PHLPP1: variants seen among roughly 807,000 people sequenced by gnomAD.
PHLPP1 encodes the protein PH domain leucine-rich repeat-containing protein phosphatase 1.
PHLPP1 carries 42 observed loss-of-function variants against 117.2 expected under a neutral mutation model. That is an observed-to-expected ratio of 0.36 (90% confidence interval 0.28 to 0.46). The LOEUF is 0.46. PHLPP1 is among the 20% of genes least tolerant of loss of function. The pLI is 1.00. For missense variants in PHLPP1, 2,084 were observed against 2,241.9 expected (o/e 0.93, Z 1.42); for synonymous variants, 1,042 against 970.7 (o/e 1.07, Z -1.37).
At chr18:62,826,475 G>A (rs1914616104) in intron 1 of PHLPP1, among the ~76,000 whole-genome samples, 1 of 152,030 alleles carries the variant, frequency 6.6e-6, no homozygotes, top group Non-Finnish European at 1.5e-5. Flanking sequence ...CGTGGTCCTT[G>A]GACTACATTT....
Position 62,746,759 on chromosome 18 carries a change from T to C in PHLPP1, c.1576+29500T>C, listed in dbSNP as rs147194754. The stretch of plus-strand genomic sequence containing the variant: ...GCGCGTGTGTTGTGAGATTTATTCC[T>C]ATATATTGTATGTGGGTTTTTTTTT... On this transcript the variant is annotated intron_variant, in intron 1 of 16. Coordinates refer to ENST00000262719, the MANE Select transcript of PHLPP1 (RefSeq NM_194449.4). Among the ~76,000 whole-genome samples the C allele has an allele frequency of 1.8e-3, 267 of 152,132 alleles. 3 individuals are homozygous for C. In the East Asian group the frequency reaches 0.025, roughly 14 times the overall value.
chr18:62,862,668 T>C (rs1227200845), intron 4 of PHLPP1, among the ~76,000 whole-genome samples: 1 of 152,172 alleles, frequency 6.6e-6, no homozygotes, highest in African/African-American at 2.4e-5. Flanking sequence ...GCTCACATAA[T>C]CAGATAAGTG....
At chr18:62,808,455 C>A (rs182790199) in intron 1 of PHLPP1, among the ~76,000 whole-genome samples, 3 of 152,070 alleles carry the variant, frequency 2.0e-5, no homozygotes, top group Admixed American at 2.0e-4. Context: ...AAATTTATCA[C>A]GCTAATTATA....
Position 62,868,366 on chromosome 18 carries a change from G to T in PHLPP1, c.2066+7765G>T, listed in dbSNP as rs557298387. 3.6e-4 allele frequency among the ~76,000 whole-genome samples: 54 copies of T among 152,092 alleles called. 1 individual carries two copies. The South Asian group carries it at 0.011, about 31-fold the overall frequency. On this transcript the variant is annotated intron_variant, in intron 4 of 16. Coordinates refer to ENST00000262719, the MANE Select transcript of PHLPP1 (RefSeq NM_194449.4). Reference sequence around the variant, plus strand: ...CTTCAGACTATTTTAGATGAAAATTGTATCTTGCCTGTAACTTTGGGAGGC... The same window carrying T: ...CTTCAGACTATTTTAGATGAAAATTTTATCTTGCCTGTAACTTTGGGAGGC...
In PHLPP1 at chr18:62,716,015, G is replaced by T. The variant is rs1278728726; in HGVS notation, c.332G>T (p.Gly111Val). The T allele has an allele frequency of 7.2e-7, 1 of 1,385,968 alleles. No homozygotes were observed. Among genetic ancestry groups the T allele is most frequent in the East Asian group, 3.1e-5 (1 of 32,686 alleles). The allele number at this position is 1,385,968 out of a possible 1,614,324, so 85.9% of individuals were successfully genotyped here. A position where few individuals can be genotyped will look rare whatever the true frequency, so the allele number is the denominator to read the frequency against. ...GCCGGCGGGGCTGCCCCCGTACCCG[G>T]GGCCGGCGGCGGCGCCAACTCCCTC... ...PIAGGAAPVP[G>V]AGGGANSLLL... The change falls in exon 1 of 17, where the codon GGG becomes GTG. Residue 111 changes from glycine to valine, a missense_variant. Physicochemically the swap from Gly to Val is moderately radical, Grantham distance 109. Transcript: ENST00000262719. The surrounding 1 kb of genome is among the most constrained non-coding windows in gnomAD (Gnocchi z 5.7).
At chr18:62,919,069 G>A (rs1909382919) in intron 9 of PHLPP1, among the ~76,000 whole-genome samples, 1 of 152,138 alleles carries the variant, frequency 6.6e-6, no homozygotes, top group Admixed American at 6.5e-5. Flanking sequence ...TTCTTTGACA[G>A]CAGATTAATA....
chr18:62,716,584 G>T lies in PHLPP1; in HGVS notation c.901G>T (p.Asp301Tyr). ...GGGGCCTCCGCGCGCGCCCCCCGCC[G>T]ACCTACCCCTGCCCGTCGGCGGCCC... ...FGGPPRAPPA[D>Y]LPLPVGGPGG... is the part of the protein sequence containing the mutation. The change falls in exon 1 of 17, where the codon GAC becomes TAC. Residue 301 changes from aspartate (D) to tyrosine (Y), a missense_variant. Asp to Tyr is a radical substitution (Grantham distance 160). Around this residue, in one of 2 missense-constraint regions of PHLPP1, gnomAD observed 719 missense variants for 636.0 expected, o/e 1.13. Coordinates refer to ENST00000262719, the MANE Select transcript of PHLPP1 (RefSeq NM_194449.4). This position sits in a 1 kb window ranked among gnomAD's most constrained non-coding sequence, Gnocchi z 5.7. 8.2e-7 allele frequency: 1 copy of T among 1,224,430 alleles called. No homozygotes were observed. The highest frequency in any genetic ancestry group is 1.0e-6 in the Non-Finnish European group (1 of 983,486). The allele number at this position is 1,224,430 out of a possible 1,614,324, so 75.8% of individuals were successfully genotyped here.
At chr18:62,949,730 G>C (rs1910399818) in intron 12 of PHLPP1, among the ~76,000 whole-genome samples, 1 of 152,158 alleles carries the variant, frequency 6.6e-6, no homozygotes, top group African/African-American at 2.4e-5. Flanking sequence ...TCTGGATACA[G>C]ATTAGCTCTT....
At position 62,806,554 on chromosome 18, in the gene PHLPP1, G is replaced by A. The variant is rs552061779; in HGVS notation, c.1577-23481G>A. Among the ~76,000 whole-genome samples, 12 of 152,116 alleles carry A rather than the reference G, an allele frequency of 7.9e-5. No homozygotes were observed. The South Asian group carries it at 1.2e-3, about 16-fold the overall frequency. ...GGTCCTAATATTTTTGAGAAAACTC[G>A]TTTCTTTTGAGAGATAGATAAAACT... On this transcript the variant is annotated intron_variant, in intron 1 of 16. Transcript: ENST00000262719.
At chr18:62,936,398 C>T (rs1468899332) in intron 10 of PHLPP1, among the ~76,000 whole-genome samples, 1 of 152,166 alleles carries the variant, frequency 6.6e-6, no homozygotes, top group African/African-American at 2.4e-5. Context: ...AGAAAAATCA[C>T]TTGGCAAACA....
At chr18:62,942,462 CTTTATA>C (rs1910156869) in intron 11 of PHLPP1, among the ~76,000 whole-genome samples, 1 of 152,142 alleles carries the variant, frequency 6.6e-6, no homozygotes, top group Non-Finnish European at 1.5e-5. Flanking sequence ...ATCTACCAAA[CTTTATA>C]TTCATATTCA....
intron 1 of PHLPP1, among the ~76,000 whole-genome samples, chr18:62,810,029 T>C (rs943431787): frequency 9.2e-5 from 14 of 152,240 alleles, no homozygotes; most frequent in Non-Finnish European, 1.9e-4. Context: ...TTTTAAGTCT[T>C]TTCTGAGTGC....
At chr18:62,793,049 C>T (rs912353384) in intron 1 of PHLPP1, among the ~76,000 whole-genome samples, 1 of 151,402 alleles carries the variant, frequency 6.6e-6, no homozygotes, top group Non-Finnish European at 1.5e-5. Context: ...GTGGTGCATG[C>T]CTGTAGTCCC....
chr18:62,878,392 T>C (rs1916098024), intron 4 of PHLPP1, among the ~76,000 whole-genome samples: 1 of 152,216 alleles, frequency 6.6e-6, no homozygotes, highest in Non-Finnish European at 1.5e-5. Context: ...TGCTACTTCA[T>C]GTCAAATAAA....
chr18:62,823,730 A>G lies in PHLPP1; in HGVS notation c.1577-6305A>G, dbSNP rs528711665. Among the ~76,000 whole-genome samples the G allele has an allele frequency of 1.1e-4, 16 of 152,226 alleles. No individual in the cohort carries two copies. The South Asian group carries it at 3.1e-3, about 30-fold the overall frequency. On this transcript the variant is annotated intron_variant, in intron 1 of 16. Coordinates refer to ENST00000262719, the MANE Select transcript of PHLPP1 (RefSeq NM_194449.4). ...ACAGGATTTGAATAGTTACTTTGGC[A>G]AAGAAGATATGCGGATCACAAACTT... is the stretch of plus-strand genomic sequence containing the variant.
intron 1 of PHLPP1, among the ~76,000 whole-genome samples, chr18:62,719,466 A>G (rs1030656479): frequency 2.1e-4 from 32 of 152,224 alleles, no homozygotes; most frequent in Non-Finnish European, 4.0e-4. Flanking sequence ...AAACGTTGTC[A>G]GGACTCCACA....
At chr18:62,728,753 C>G (rs548373108) in intron 1 of PHLPP1, among the ~76,000 whole-genome samples, 1 of 152,038 alleles carries the variant, frequency 6.6e-6, no homozygotes, top group African/African-American at 2.4e-5. Flanking sequence ...GTGATCTGCC[C>G]GCCTCGGCCT....
At chr18:62,783,631 A>G (rs1044070782) in intron 1 of PHLPP1, among the ~76,000 whole-genome samples, 1 of 152,186 alleles carries the variant, frequency 6.6e-6, no homozygotes, top group African/African-American at 2.4e-5. Flanking sequence ...GAATAGCACT[A>G]TTAAGGGGAC....
At position 62,715,991 on chromosome 18, in the gene PHLPP1, C is replaced by T. The variant is rs1207217208; in HGVS notation, c.308C>T (p.Ala103Val). The change falls in exon 1 of 17, where the codon GCC (alanine) becomes GTC (valine). Residue 103 changes from alanine to valine, a missense_variant. Ala to Val is a moderately conservative substitution (Grantham distance 64). This residue lies in a region of PHLPP1 where 719 missense variants were observed against 636.0 expected (regional missense o/e 1.13). Coordinates refer to ENST00000262719, the MANE Select transcript of PHLPP1 (RefSeq NM_194449.4). The stretch of plus-strand genomic sequence containing the variant: ...CGGCGCGGGGCGCCCCAGCCCATTG[C>T]CGGCGGGGCTGCCCCCGTACCCGGG... ...RRRRGAPQPIAGGAAPVPGAG... is the reference protein window; with the variant it reads ...RRRRGAPQPIVGGAAPVPGAG... 6 of 1,338,640 alleles carry T rather than the reference C, an allele frequency of 4.5e-6. No individual in the cohort carries two copies. Among genetic ancestry groups the T allele is most frequent in the African/African-American group, 1.6e-5 (1 of 64,432 alleles). 82.9% of individuals were successfully genotyped at this position (1,338,640 alleles called of 1,614,324 possible). A position where few individuals can be genotyped will look rare whatever the true frequency, so the allele number is the denominator to read the frequency against.
Sources: gnomAD v4.1 joint callset for allele counts (sites outside exome capture counted in the v4.1 genomes callset) on GRCh38, gnomAD v4.1.1 for gene constraint, gnomAD v4.1.1 regional missense constraint, Gnocchi (gnomAD v3.1) non-coding constraint, MANE v1.5 for transcripts, NCBI Gene and HGNC (gene_info 2026-07-23, HGNC 2026-07-21) for gene names.